HPSE2: variants seen among roughly 807,000 people sequenced by gnomAD.
HPSE2 encodes inactive heparanase-2.
Under a neutral mutation model 60.5 loss-of-function variants are expected in HPSE2, and 38 were observed. The observed-to-expected ratio is 0.63, with a 90% CI of 0.48 to 0.82. The LOEUF (loss-of-function observed/expected upper bound fraction) is 0.82, where lower values mean the gene tolerates loss of function less well. Among genes scored for constraint, HPSE2 ranks in the 40% least tolerant of loss-of-function variants. The pLI is 0.00. For synonymous variants in HPSE2, 295 were observed against 293.2 expected (o/e 1.01, Z -0.06); for missense variants, 713 against 740.4 (o/e 0.96, Z 0.43).
chr10:98,592,324 C>T (rs1945112832), intron 9 of HPSE2, among the ~76,000 whole-genome samples: 1 of 152,182 alleles, frequency 6.6e-6, no homozygotes, highest in Non-Finnish European at 1.5e-5. Context: ...ATCAGAATAA[C>T]CAGCCTTCTG....
chr10:98,573,078 C>A (rs1166257579), intron 9 of HPSE2, among the ~76,000 whole-genome samples: 2 of 152,172 alleles, frequency 1.3e-5, no homozygotes, highest in African/African-American at 2.4e-5. Flanking sequence ...TCTGAGTGAT[C>A]TTGGGCCAGT....
At chr10:98,470,837 GA>G in intron 11 of HPSE2, among the ~76,000 whole-genome samples, 1 of 55,350 alleles carries the variant, frequency 1.8e-5, no homozygotes, top group Non-Finnish European at 3.3e-5. Flanking sequence ...CAGCTACGCA[GA>G]GAGTTTCCAG....
rs769978194 is a variant in HPSE2, at chr10:98,743,983, C to T, written c.684G>A (p.Leu228=). Residue 228 remains leucine (L), a synonymous_variant, in exon 4 of 12, where the codon CTG becomes CTA. Coordinates refer to ENST00000370552, the MANE Select transcript of HPSE2 (RefSeq NM_021828.5). The stretch of plus-strand genomic sequence containing the variant: ...TCCAGGAGTTATTGGGATTACGACG[C>T]AGTGCATTTAGAGCAAATATCAGGT... ...GLHLIFALNA[L]RRNPNNSWNS... is the part of the protein sequence containing the mutation. The T allele has an allele frequency of 3.7e-6, 6 of 1,614,104 alleles. No individual in the cohort carries two copies. The East Asian group carries it at 1.3e-4, about 36-fold the overall frequency.
intron 9 of HPSE2, among the ~76,000 whole-genome samples, chr10:98,536,518 GA>G (rs1943288126): frequency 2.0e-5 from 3 of 152,184 alleles, no homozygotes; most frequent in African/African-American, 7.2e-5. Flanking sequence ...AAGAGATAGG[GA>G]AAAAAGGGGA....
intron 3 of HPSE2, among the ~76,000 whole-genome samples, chr10:99,057,361 C>A (rs1359080519): frequency 6.6e-6 from 1 of 152,074 alleles, no homozygotes; most frequent in African/African-American, 2.4e-5. Flanking sequence ...CATAACATAG[C>A]TAAAATGAAA....
chr10:98,727,034 T>G (rs988924776), intron 4 of HPSE2, among the ~76,000 whole-genome samples: 1 of 152,112 alleles, frequency 6.6e-6, no homozygotes, highest in Non-Finnish European at 1.5e-5. Context: ...TTAAGCTATG[T>G]TGACTCAAGT....
At chr10:99,132,117 A>T (rs1589705474) in intron 3 of HPSE2, among the ~76,000 whole-genome samples, 1 of 144,558 alleles carries the variant, frequency 6.9e-6, no homozygotes, top group Admixed American at 7.3e-5. Context: ...CGTCTTAAAA[A>T]AGAAAAGAAA....
chr10:98,940,808 G>A (rs1438753153), intron 3 of HPSE2, among the ~76,000 whole-genome samples: 1 of 141,296 alleles, frequency 7.1e-6, no homozygotes, highest in Non-Finnish European at 1.5e-5. Flanking sequence ...CAATATCCTT[G>A]ATGAACATTG....
the HPSE2 span, among the ~76,000 whole-genome samples, chr10:99,272,201 T>C: frequency 7.4e-5 from 11 of 148,028 alleles, no homozygotes; most frequent in African/African-American, 2.3e-4. Flanking sequence ...ACCCGGGAGG[T>C]AGAGGTTGCA....
chr10:98,574,357 G>T (rs1339608731), intron 9 of HPSE2, among the ~76,000 whole-genome samples: 5 of 152,116 alleles, frequency 3.3e-5, no homozygotes, highest in Non-Finnish European at 7.4e-5. Context: ...ACCCCAGGGA[G>T]GGGGAGAGAG....
At chr10:99,024,450 A>G (rs1165461019) in intron 3 of HPSE2, among the ~76,000 whole-genome samples, 1 of 152,210 alleles carries the variant, frequency 6.6e-6, no homozygotes, top group African/African-American at 2.4e-5. Flanking sequence ...GGGCAAAACT[A>G]AGAGTTATTG....
At chr10:98,943,547 C>T (rs543517666) in intron 3 of HPSE2, among the ~76,000 whole-genome samples, 63 of 152,142 alleles carry the variant, frequency 4.1e-4, no homozygotes, top group African/African-American at 1.5e-3. Context: ...GTCTGTGTGA[C>T]AAATAACACA....
the HPSE2 span, among the ~76,000 whole-genome samples, chr10:99,250,055 A>G: frequency 8.6e-5 from 13 of 151,792 alleles, no homozygotes; most frequent in Admixed American, 5.9e-4. Flanking sequence ...AGGCAGGAGA[A>G]TCACTTGAAA....
At chr10:98,745,663 T>C (rs1047696216) in intron 3 of HPSE2, among the ~76,000 whole-genome samples, 1 of 152,214 alleles carries the variant, frequency 6.6e-6, no homozygotes, top group African/African-American at 2.4e-5. Flanking sequence ...AACATATCCA[T>C]ATTTTACTTG....
chr10:98,603,359 G>A (rs1945482429), intron 9 of HPSE2, among the ~76,000 whole-genome samples: 1 of 151,878 alleles, frequency 6.6e-6, no homozygotes, highest in Non-Finnish European at 1.5e-5. Flanking sequence ...AGCAAATACT[G>A]GGCAAAAATT....
rs574254913 is a variant in HPSE2, at chr10:98,563,004, C to T, written c.1320+51900G>A. Among the ~76,000 whole-genome samples, 21 of 152,174 alleles carry T rather than the reference C, an allele frequency of 1.4e-4. No homozygotes were observed. The South Asian group carries it at 4.1e-3, about 30-fold the overall frequency. ...AAACAAACAAACAAACCCAAAAAAT[C>T]TTTTCAAAGATATATGTGTTCCTCA... On this transcript the variant is annotated intron_variant, in intron 9 of 11. Coordinates refer to ENST00000370552, the MANE Select transcript of HPSE2 (RefSeq NM_021828.5).
At chr10:98,844,519 A>G (rs926290477) in intron 3 of HPSE2, among the ~76,000 whole-genome samples, 1 of 152,208 alleles carries the variant, frequency 6.6e-6, no homozygotes, top group Non-Finnish European at 1.5e-5. Flanking sequence ...TGTGCACAGG[A>G]AAGTTTCAGA....
intron 3 of HPSE2, among the ~76,000 whole-genome samples, chr10:98,914,175 G>A (rs1281800820): frequency 3.3e-5 from 5 of 152,148 alleles, no homozygotes; most frequent in Non-Finnish European, 7.4e-5. Context: ...TTGTGATAGT[G>A]AATGGGTCTC....
intron 11 of HPSE2, among the ~76,000 whole-genome samples, chr10:98,482,030 A>G (rs1346594229): frequency 6.6e-6 from 1 of 152,188 alleles, no homozygotes; most frequent in African/African-American, 2.4e-5. Context: ...AGGGTCACAG[A>G]GCCCTCAAAA....
Sources: gnomAD v4.1 joint callset for allele counts (sites outside exome capture counted in the v4.1 genomes callset) on GRCh38, gnomAD v4.1.1 for gene constraint, MANE v1.5 for transcripts, NCBI Gene and HGNC (gene_info 2026-07-23, HGNC 2026-07-21) for gene names.